MGMT: variants seen among roughly 807,000 people sequenced by gnomAD.
MGMT encodes methylated-DNA--protein-cysteine methyltransferase.
Under a neutral mutation model 15.9 loss-of-function variants are expected in MGMT, and 14 were observed. The ratio of observed to expected loss-of-function variants is 0.88; its 90% CI spans 0.58 to 1.37. MGMT has a LOEUF of 1.37. Among genes scored for constraint, MGMT ranks in the 40% most tolerant of loss-of-function variants. The probability of loss-of-function intolerance (pLI) is 0.00; values close to 1 mark genes in which losing one functional copy is unlikely to be tolerated. For synonymous variants in MGMT, 130 were observed against 118.2 expected, an observed-to-expected ratio of 1.10 and a Z score of -0.65; for missense variants, 282 against 268.1, an observed-to-expected ratio of 1.05 and a Z score of -0.36.
chr10:129,678,197 C>A (rs1164378330), intron 2 of MGMT, among the ~76,000 whole-genome samples: 1 of 152,156 alleles, frequency 6.6e-6, no homozygotes, highest in Non-Finnish European at 1.5e-5. Context: ...GACTTTGGGG[C>A]CCCTGTTTTG....
At chr10:129,519,583 G>A (rs1347601680) in intron 1 of MGMT, among the ~76,000 whole-genome samples, 4 of 152,148 alleles carry the variant, frequency 2.6e-5, no homozygotes, top group South Asian at 2.1e-4. Context: ...CACAGCCACC[G>A]GAGCATGTTG....
intron 2 of MGMT, among the ~76,000 whole-genome samples, chr10:129,658,834 C>T (rs912622596): frequency 1.3e-5 from 2 of 152,156 alleles, no homozygotes; most frequent in Admixed American, 6.5e-5. Flanking sequence ...CTGCTGTTCT[C>T]GCCCTTAGCT....
chr10:129,659,995 G>A lies in MGMT; in HGVS notation c.126-47900G>A, dbSNP rs1167863557. Among the ~76,000 whole-genome samples the A allele has an allele frequency of 6.6e-6, 1 of 152,212 alleles. No homozygotes were observed. The highest frequency in any genetic ancestry group is 1.5e-5 in the Non-Finnish European group (1 of 68,042). The stretch of plus-strand genomic sequence containing the variant: ...ATCACCCGTGCAGTGAAGGATTTGC[G>A]TGGTCTTTGGTGCTTTTCTTCTAAA... On this transcript the variant is annotated intron_variant, in intron 2 of 4. Coordinates refer to ENST00000651593, the MANE Select transcript of MGMT (RefSeq NM_002412.5). This position sits in a 1 kb window ranked among gnomAD's most constrained non-coding sequence, Gnocchi z 4.1.
At chr10:129,751,966 A>G (rs1473122230) in intron 3 of MGMT, among the ~76,000 whole-genome samples, 1 of 151,960 alleles carries the variant, frequency 6.6e-6, no homozygotes, top group Non-Finnish European at 1.5e-5. Context: ...ACTTGAAAAG[A>G]GTATAGATTC....
At chr10:129,682,414 T>C (rs1380739100) in intron 2 of MGMT, among the ~76,000 whole-genome samples, 1 of 151,862 alleles carries the variant, frequency 6.6e-6, no homozygotes, top group African/African-American at 2.4e-5. Context: ...AGGATTTTTT[T>C]TGTATGTAAC....
chr10:129,574,325 C>T (rs1367248724), intron 2 of MGMT, among the ~76,000 whole-genome samples: 2 of 152,204 alleles, frequency 1.3e-5, no homozygotes, highest in Non-Finnish European at 2.9e-5. Flanking sequence ...CCTTGGCAGC[C>T]CTTTCCACCC....
intron 2 of MGMT, among the ~76,000 whole-genome samples, chr10:129,647,084 C>G (rs534765842): frequency 6.6e-6 from 1 of 152,216 alleles, no homozygotes; most frequent in East Asian, 1.9e-4. Context: ...GTCCGTGTCT[C>G]TGCGAGGCTC....
chr10:129,753,218 C>A (rs1449200354), intron 3 of MGMT, among the ~76,000 whole-genome samples: 2 of 152,098 alleles, frequency 1.3e-5, no homozygotes, highest in South Asian at 2.1e-4. Flanking sequence ...TTGCCTTGTA[C>A]ATAATGCATT....
intron 3 of MGMT, 55 bp from the exon 4 acceptor site, chr10:129,759,147 C>A: frequency 6.2e-7 from 1 of 1,605,510 alleles, no homozygotes; most frequent in South Asian, 1.1e-5. Context: ...CTATTTATAT[C>A]AGAGCTGCTG....
At chr10:129,703,378 C>T (rs1470128954) in intron 2 of MGMT, among the ~76,000 whole-genome samples, 4 of 152,154 alleles carry the variant, frequency 2.6e-5, no homozygotes, top group South Asian at 2.1e-4. Flanking sequence ...GTGTGCACCC[C>T]GTTTTGCTCA....
chr10:129,497,134 C>T (rs1316129419), intron 1 of MGMT, among the ~76,000 whole-genome samples: 1 of 152,190 alleles, frequency 6.6e-6, no homozygotes, highest in African/African-American at 2.4e-5. Flanking sequence ...TGCTGGCCAG[C>T]TGACACTAAT....
intron 2 of MGMT, among the ~76,000 whole-genome samples, chr10:129,568,574 T>A (rs1477249479): frequency 6.6e-6 from 1 of 152,160 alleles, no homozygotes; most frequent in Non-Finnish European, 1.5e-5. Context: ...TGGGAGACAT[T>A]TTAGAAATAT....
chr10:129,606,079 A>G (rs1846886411), intron 2 of MGMT, among the ~76,000 whole-genome samples: 1 of 152,194 alleles, frequency 6.6e-6, no homozygotes, highest in African/African-American at 2.4e-5. Flanking sequence ...TCGTAAAACA[A>G]CGTAGTATTC....
rs202003685 is a variant in MGMT at position 129,631,150 on chromosome 10, CTT to C, written c.126-76735_126-76734del. ...TATTTATGTTAATGAAACCAGTCTG[CTT>C]TTTTTTTTTGTTATTTTTGATGACT... is the stretch of plus-strand genomic sequence containing the variant. On this transcript the variant is annotated intron_variant, in intron 2 of 4. Transcript: ENST00000651593. 6.1e-3 allele frequency among the ~76,000 whole-genome samples: 882 copies of C among 145,088 alleles called. 2 individuals are homozygous for C. Among genetic ancestry groups the C allele is most frequent in the Non-Finnish European group, 9.0e-3 (588 of 65,642 alleles).
At chr10:129,714,973 T>C (rs1168176116) in intron 3 of MGMT, among the ~76,000 whole-genome samples, 1 of 152,130 alleles carries the variant, frequency 6.6e-6, no homozygotes, top group Non-Finnish European at 1.5e-5. Context: ...TTATCCTGAA[T>C]GTAAGAGGTG....
intron 2 of MGMT, among the ~76,000 whole-genome samples, chr10:129,562,288 G>A (rs377383137): frequency 3.3e-5 from 5 of 152,138 alleles, no homozygotes; most frequent in Non-Finnish European, 7.3e-5. Flanking sequence ...TCTTTGGGAC[G>A]CCATTCGAAC....
At chr10:129,762,436 C>T (rs1397817183) in intron 4 of MGMT, among the ~76,000 whole-genome samples, 3 of 152,168 alleles carry the variant, frequency 2.0e-5, no homozygotes, top group African/African-American at 4.8e-5. Flanking sequence ...CGGAGCTTTC[C>T]TCTATCCTAG....
intron 2 of MGMT, among the ~76,000 whole-genome samples, chr10:129,624,008 C>T (rs1847118547): frequency 6.6e-6 from 1 of 152,244 alleles, no homozygotes; most frequent in South Asian, 2.1e-4. Flanking sequence ...CAGGGGTCTT[C>T]CCATGTGTAC....
At chr10:129,518,842 CTGTG>C (rs1456316073) in intron 1 of MGMT, among the ~76,000 whole-genome samples, 1 of 151,630 alleles carries the variant, frequency 6.6e-6, no homozygotes, top group African/African-American at 2.4e-5. Flanking sequence ...GGATTTTTGA[CTGTG>C]TGGGGCTTCA....
Sources: gnomAD v4.1 joint callset for allele counts (sites outside exome capture counted in the v4.1 genomes callset) on GRCh38, gnomAD v4.1.1 for gene constraint, Gnocchi (gnomAD v3.1) non-coding constraint, MANE v1.5 for transcripts, NCBI Gene and HGNC (gene_info 2026-07-23, HGNC 2026-07-21) for gene names.